ZNF324B: variants seen among roughly 807,000 people sequenced by gnomAD.
ZNF324B encodes zinc finger protein 324B.
In ZNF324B, 7 loss-of-function variants were observed where a neutral mutation model predicts 10.6. That is an observed-to-expected ratio of 0.66 (90% confidence interval 0.38 to 1.24). The LOEUF is 1.24. ZNF324B is among the 50% of genes most tolerant of loss of function. ZNF324B has a pLI of 0.02. For missense variants in ZNF324B, 640 were observed against 764.7 expected, an observed-to-expected ratio of 0.84 and a Z score of 1.92; for synonymous variants, 316 against 321.0, an observed-to-expected ratio of 0.98 and a Z score of 0.17.
At position 58,453,803 on chromosome 19, in the gene ZNF324B, C is replaced by A; in HGVS notation, c.102C>A (p.Phe34Leu). Reference protein sequence around the residue: ...ALYRHVMLENFTLVTSLGLST... With the variant: ...ALYRHVMLENLTLVTSLGLST... ...ACCGCCACGTGATGCTGGAAAACTTCACACTTGTGACCTCACTTGGTAAGG... is the reference window on the plus strand; with the variant it reads ...ACCGCCACGTGATGCTGGAAAACTTAACACTTGTGACCTCACTTGGTAAGG... Residue 34 changes from phenylalanine (F) to leucine (L), a missense_variant, in exon 2 of 4, where the codon TTC becomes TTA. Around this residue, in one of 3 missense-constraint regions of ZNF324B, gnomAD observed 345 missense variants for 387.9 expected, o/e 0.89. Transcript: ENST00000336614. 1 of 1,614,102 alleles carries A rather than the reference C, an allele frequency of 6.2e-7. No homozygotes were observed.
upstream of ZNF324B, among the ~76,000 whole-genome samples, chr19:58,451,212 G>A (rs1233730625): frequency 1.3e-5 from 2 of 152,156 alleles, no homozygotes; most frequent in African/African-American, 4.8e-5. Flanking sequence ...CGGAGCTCCA[G>A]GCATCTGCTC....
In ZNF324B at chr19:58,457,541, C is replaced by G. The variant is rs2052934671; in HGVS notation, c.*962C>G. The G allele has an allele frequency of 7.4e-6, 1 of 135,296 alleles. No individual in the cohort carries two copies. Among genetic ancestry groups the G allele is most frequent in the African/African-American group, 2.7e-5 (1 of 37,050 alleles). The allele number at this position is 135,296 out of a possible 1,614,324, so 8.4% of individuals were successfully genotyped here. A position where few individuals can be genotyped will look rare whatever the true frequency, so the allele number is the denominator to read the frequency against. Reference sequence around the variant, plus strand: ...CCCCACCCCCACCCCCTCCATCTCACCTTTCCCTTGTTATGCCTCCTCAAT... The same window carrying G: ...CCCCACCCCCACCCCCTCCATCTCAGCTTTCCCTTGTTATGCCTCCTCAAT... On this transcript the variant is annotated 3_prime_UTR_variant, in exon 4 of 4. Coordinates refer to ENST00000336614, the MANE Select transcript of ZNF324B (RefSeq NM_207395.3).
At chr19:58,448,389 T>C (rs1303777601), upstream of ZNF324B, among the ~76,000 whole-genome samples, 1 of 152,244 alleles carries the variant, frequency 6.6e-6, no homozygotes, top group African/African-American at 2.4e-5. Flanking sequence ...ATTTTGCCCC[T>C]GCTGTAGAGA....
At chr19:58,447,658 C>T (rs986412147), upstream of ZNF324B, among the ~76,000 whole-genome samples, 5 of 152,070 alleles carry the variant, frequency 3.3e-5, no homozygotes, top group Non-Finnish European at 5.9e-5. Context: ...TGCTTGAGTA[C>T]AGGAGTTCGA....
At chr19:58,419,902 C>T in the ZNF324B span, among the ~76,000 whole-genome samples, 1 of 152,118 alleles carries the variant, frequency 6.6e-6, no homozygotes, top group East Asian at 1.9e-4. Context: ...ACCCTTGACT[C>T]CAGGGATTCA....
the ZNF324B span, among the ~76,000 whole-genome samples, chr19:58,420,489 G>C: frequency 1.3e-5 from 2 of 151,876 alleles, no homozygotes; most frequent in African/African-American, 4.8e-5. Context: ...AGCACTCTGG[G>C]ATACTGAGGT....
chr19:58,431,347 C>T, the ZNF324B span, among the ~76,000 whole-genome samples: 4 of 152,194 alleles, frequency 2.6e-5, no homozygotes, highest in African/African-American at 9.7e-5. Flanking sequence ...TTCACATAGG[C>T]AGGGAGAACA....
chr19:58,455,134 C>G lies in ZNF324B; in HGVS notation c.239-49C>G. The G allele has an allele frequency of 6.2e-7, 1 of 1,611,990 alleles. No homozygotes were observed. Among genetic ancestry groups the G allele is most frequent in the South Asian group, 1.1e-5 (1 of 90,986 alleles). ...GCCTGTCCACTCAGCCTGCCCTGGT[C>G]CTCTCCTAACCAGGATGCCCCAGGC... On this transcript the variant is annotated intron_variant, in intron 3 of 3. Coordinates refer to ENST00000336614, the MANE Select transcript of ZNF324B (RefSeq NM_207395.3). The surrounding 1 kb of genome is among the most constrained non-coding windows in gnomAD (Gnocchi z 7.0).
In ZNF324B at chr19:58,451,679, GGGGCCCGAGGCGGGCGGCCAGGAAGGTAC is replaced by G; in HGVS notation, c.-29_-7+6del. 1 of 502,306 alleles carries G rather than the reference GGGGCCCGAGGCGGGCGGCCAGGAAGGTAC, an allele frequency of 2.0e-6. No individual in the cohort carries two copies. The highest frequency in any genetic ancestry group is 3.9e-6 in the Non-Finnish European group (1 of 253,184). 31.1% of individuals were successfully genotyped at this position (502,306 alleles called of 1,614,324 possible). Reference sequence around the variant, plus strand: ...TGGTCTGGGCTGTGGCGCGCGGGTCGGGGCCCGAGGCGGGCGGCCAGGAAGGTACGGACCACGAGCAGCCGGCCGCGCCC... The same window carrying G: ...TGGTCTGGGCTGTGGCGCGCGGGTCGGGACCACGAGCAGCCGGCCGCGCCC... On this transcript the variant is annotated splice_donor_variant and splice_donor_region_variant and 5_prime_UTR_variant and intron_variant, in exon 1 of 4. Coordinates refer to ENST00000336614, the MANE Select transcript of ZNF324B (RefSeq NM_207395.3). LOFTEE classifies it low-confidence loss of function (5UTR_SPLICE).
chr19:58,447,442 A>G (rs1020754651), upstream of ZNF324B, among the ~76,000 whole-genome samples: 5 of 152,266 alleles, frequency 3.3e-5, no homozygotes, highest in African/African-American at 1.2e-4. Context: ...TTTCATGCCC[A>G]ATTCATTAAG....
At chr19:58,438,647 G>A in the ZNF324B span, among the ~76,000 whole-genome samples, 2 of 151,636 alleles carry the variant, frequency 1.3e-5, no homozygotes, top group South Asian at 4.2e-4. Context: ...CTAATTTTTT[G>A]TATTTTTAGT....
At chr19:58,438,536 C>T in the ZNF324B span, among the ~76,000 whole-genome samples, 43 of 148,770 alleles carry the variant, frequency 2.9e-4, no homozygotes, top group East Asian at 7.9e-4. Context: ...TGCAGTGGCG[C>T]GATCTTGGCT....
chr19:58,434,503 G>A, the ZNF324B span: 2 of 1,614,200 alleles, frequency 1.2e-6, no homozygotes, highest in South Asian at 1.1e-5. Flanking sequence ...TTTTACTTCA[G>A]TGTGAAATTT....
chr19:58,437,706 T>C, the ZNF324B span: 1 of 985,282 alleles, frequency 1.0e-6, no homozygotes, highest in Non-Finnish European at 1.2e-6. Flanking sequence ...CCCTAGCATC[T>C]CACCATGCAC....
chr19:58,424,685 A>G, the ZNF324B span, among the ~76,000 whole-genome samples: 1 of 152,200 alleles, frequency 6.6e-6, no homozygotes. Flanking sequence ...TAAAATGTTA[A>G]ACATAAAAGC....
chr19:58,447,921 G>A (rs147851681), upstream of ZNF324B, among the ~76,000 whole-genome samples: 1 of 152,248 alleles, frequency 6.6e-6, no homozygotes, highest in East Asian at 1.9e-4. Flanking sequence ...TCTTTTGCTT[G>A]GCTCTCATTT....
chr19:58,446,573 C>CTT, the ZNF324B span, among the ~76,000 whole-genome samples: 359 of 102,462 alleles, frequency 3.5e-3, 2 homozygotes, highest in Non-Finnish European at 4.6e-3. Context: ...ATTTCTTTCT[C>CTT]TTTTTTTTTT....
the ZNF324B span, among the ~76,000 whole-genome samples, chr19:58,428,151 G>T: frequency 4.6e-5 from 7 of 152,294 alleles, no homozygotes; most frequent in African/African-American, 1.7e-4. Context: ...GGGGCTTCCA[G>T]GAGACGTGGC....
chr19:58,453,417 G>T (rs944971520), intron 1 of ZNF324B, among the ~76,000 whole-genome samples: 24 of 152,196 alleles, frequency 1.6e-4, no homozygotes, highest in African/African-American at 5.3e-4. Flanking sequence ...ATTTGGGGCT[G>T]CCCTTGGTGT....
Sources: allele counts gnomAD v4.1 joint callset (sites outside exome capture counted in the v4.1 genomes callset), GRCh38; gene constraint gnomAD v4.1.1; regional missense constraint gnomAD v4.1.1; non-coding constraint Gnocchi (gnomAD v3.1); transcripts MANE v1.5; gene names NCBI Gene and HGNC (gene_info 2026-07-23, HGNC 2026-07-21).